MFHAS1: variants seen among roughly 807,000 people sequenced by gnomAD.
MFHAS1 encodes malignant fibrous histiocytoma-amplified sequence 1.
MFHAS1 carries 50 observed loss-of-function variants against 70.4 expected under a neutral mutation model. The observed-to-expected ratio is 0.71, with a 90% CI of 0.57 to 0.90. The LOEUF (loss-of-function observed/expected upper bound fraction) is 0.90. Ranked by LOEUF, MFHAS1 falls within the 40% of genes least tolerant of loss-of-function variation. The pLI is 0.00. For synonymous variants in MFHAS1, 952 were observed against 620.0 expected, an observed-to-expected ratio of 1.54 and a Z score of -7.96; for missense variants, 1,795 against 1,347.6, an observed-to-expected ratio of 1.33 and a Z score of -5.20.
intron 2 of MFHAS1, among the ~76,000 whole-genome samples, chr8:8,788,360 T>C (rs1040894166): frequency 1.3e-5 from 2 of 152,180 alleles, no homozygotes; most frequent in African/African-American, 4.8e-5. Flanking sequence ...TACTATGAGA[T>C]CATTACCAAA....
At chr8:8,865,512 A>T (rs1338412406) in intron 1 of MFHAS1, among the ~76,000 whole-genome samples, 1 of 152,146 alleles carries the variant, frequency 6.6e-6, no homozygotes, top group Non-Finnish European at 1.5e-5. Flanking sequence ...AAACACAACC[A>T]AGGACCCCTC....
chr8:8,882,763 G>A (rs1324202132), intron 1 of MFHAS1, among the ~76,000 whole-genome samples: 1 of 152,192 alleles, frequency 6.6e-6, no homozygotes, highest in Non-Finnish European at 1.5e-5. Flanking sequence ...GGCCAAACAG[G>A]GGTTCCTAAT....
rs781423982 is a variant in MFHAS1, at chr8:8,891,465, C to A, written c.1594G>T (p.Val532Leu). The stretch of plus-strand genomic sequence containing the variant: ...TCTGCGTGGGTGCCCACGATGCACA[C>A]CACCGCGTGGGGCACTCTCGCCCCG... Reference protein sequence around the residue: ...RVGARVPHAVVCIVGTHADLC... With the variant: ...RVGARVPHAVLCIVGTHADLC... Residue 532 changes from valine (V) to leucine (L), a missense_variant, in exon 1 of 3, where the codon GTG (valine) becomes TTG (leucine). Val to Leu is a conservative substitution (Grantham distance 32). Transcript: ENST00000276282. The surrounding 1 kb of genome is among the most constrained non-coding windows in gnomAD (Gnocchi z 5.4). The A allele has an allele frequency of 5.0e-6, 8 of 1,612,914 alleles. No individual in the cohort carries two copies. The African/African-American group carries it at 9.3e-5, about 19-fold the overall frequency.
intron 1 of MFHAS1, among the ~76,000 whole-genome samples, chr8:8,847,932 G>A (rs138168898): frequency 3.1e-4 from 47 of 152,316 alleles, no homozygotes; most frequent in African/African-American, 1.1e-3. Context: ...AATATTGAAA[G>A]AGGCAGTATA....
At chr8:8,853,664 T>C (rs1331444485) in intron 1 of MFHAS1, among the ~76,000 whole-genome samples, 1 of 152,120 alleles carries the variant, frequency 6.6e-6, no homozygotes, top group Non-Finnish European at 1.5e-5. Context: ...CCTCCAGGGT[T>C]CAAGCGATTC....
chr8:8,784,745 G>A lies in MFHAS1; in HGVS notation c.*1277C>T, dbSNP rs1371652493. ...CGATCAACCCACGGAGGAGGCAAAT[G>A]TAAACAGAGTTTTTTACACTCTCCG... On this transcript the variant is annotated 3_prime_UTR_variant, in exon 3 of 3. Transcript: ENST00000276282. 1.3e-5 allele frequency: 2 copies of A among 152,156 alleles called. No homozygotes were observed. Among genetic ancestry groups the A allele is most frequent in the South Asian group, 4.1e-4 (2 of 4,830 alleles). The allele number at this position is 152,156 out of a possible 1,614,324, so 9.4% of individuals were successfully genotyped here. A position where few individuals can be genotyped will look rare whatever the true frequency, so the allele number is the denominator to read the frequency against.
Position 8,891,634 on chromosome 8 carries a change from C to G in MFHAS1, c.1425G>C (p.Val475=). 6.2e-7 allele frequency: 1 copy of G among 1,613,652 alleles called. No individual in the cohort carries two copies. The highest frequency in any genetic ancestry group is 8.5e-7 in the Non-Finnish European group (1 of 1,180,036). The change falls in exon 1 of 3, where the codon GTG becomes GTC. Residue 475 remains valine, a synonymous_variant. Transcript: ENST00000276282. The surrounding 1 kb of genome is among the most constrained non-coding windows in gnomAD (Gnocchi z 5.4). ...AACTTTCATCCCCAGCTAAGTCATA[C>G]ACGATGAACCGCAGGCCCCGGGAGG... ...ADASRGLRFI[V]YDLAGDESYE...
At chr8:8,818,524 A>G (rs1364205404) in intron 1 of MFHAS1, among the ~76,000 whole-genome samples, 1 of 152,232 alleles carries the variant, frequency 6.6e-6, no homozygotes, top group Admixed American at 6.5e-5. Flanking sequence ...AACCCTGTGG[A>G]ACTGACTTAG....
At chr8:8,834,531 C>G (rs1486775090) in intron 1 of MFHAS1, among the ~76,000 whole-genome samples, 1 of 152,216 alleles carries the variant, frequency 6.6e-6, no homozygotes, top group Non-Finnish European at 1.5e-5. Flanking sequence ...ACAAGTACCA[C>G]TGTGTTATAA....
chr8:8,873,769 G>A (rs1809182027), intron 1 of MFHAS1, among the ~76,000 whole-genome samples: 1 of 152,150 alleles, frequency 6.6e-6, no homozygotes. Context: ...CAGAAAGGCA[G>A]ATGCAATGTT....
chr8:8,848,509 C>T (rs912986814), intron 1 of MFHAS1, among the ~76,000 whole-genome samples: 14 of 151,968 alleles, frequency 9.2e-5, no homozygotes, highest in Non-Finnish European at 1.3e-4. Flanking sequence ...AAAGGGCAAA[C>T]GGCTCAGGCA....
rs1305534238 is a variant in MFHAS1 at position 8,891,224 on chromosome 8, T to A, written c.1835A>T (p.Tyr612Phe). The A allele has an allele frequency of 6.2e-7, 1 of 1,612,546 alleles. No individual in the cohort carries two copies. The highest frequency in any genetic ancestry group is 8.5e-7 in the Non-Finnish European group (1 of 1,180,004). ...GATCTGCAGCCGGTGGTTGAGCAGG[T>A]ATTGAAAATGGGCCTTGCGCCGTCG... ...NLRRRKAHFQ[Y>F]LLNHRLQILS... The change falls in exon 1 of 3, where the codon TAC (tyrosine) becomes TTC (phenylalanine). Residue 612 changes from tyrosine (Y) to phenylalanine (F), a missense_variant. Physicochemically the swap from Tyr to Phe is conservative, Grantham distance 22. Coordinates refer to ENST00000276282, the MANE Select transcript of MFHAS1 (RefSeq NM_004225.3). This position sits in a 1 kb window ranked among gnomAD's most constrained non-coding sequence, Gnocchi z 5.4.
At chr8:8,834,420 C>T (rs1484425993) in intron 1 of MFHAS1, among the ~76,000 whole-genome samples, 1 of 152,208 alleles carries the variant, frequency 6.6e-6, no homozygotes, top group African/African-American at 2.4e-5. Flanking sequence ...ACTTCCAGTA[C>T]GCAGGCTCCA....
chr8:8,890,560 G>C lies in MFHAS1; in HGVS notation c.2499C>G (p.Leu833=), dbSNP rs1809958646. 6.2e-7 allele frequency: 1 copy of C among 1,613,414 alleles called. No individual in the cohort carries two copies. The highest frequency in any genetic ancestry group is 1.1e-5 in the South Asian group (1 of 91,088). The change falls in exon 1 of 3, where the codon CTC becomes CTG. Residue 833 remains leucine, a synonymous_variant. Transcript: ENST00000276282. The part of the protein sequence containing the change: ...LLEKMGLCYC[L]NKPKGKPLNG... ...TCAAAGGCTTGCCCTTGGGTTTATT[G>C]AGGCAGTAACAGAGTCCCATCTTCT...
At chr8:8,854,089 T>C (rs998320378) in intron 1 of MFHAS1, among the ~76,000 whole-genome samples, 2 of 152,176 alleles carry the variant, frequency 1.3e-5, no homozygotes, top group Non-Finnish European at 2.9e-5. Flanking sequence ...TGTATAAGGT[T>C]GCCCAATTTA....
chr8:8,795,556 G>C (rs1419647084), intron 2 of MFHAS1, among the ~76,000 whole-genome samples: 1 of 152,214 alleles, frequency 6.6e-6, no homozygotes, highest in Non-Finnish European at 1.5e-5. Context: ...TTTCCCTTGG[G>C]TGTTCGGTGA....
intron 1 of MFHAS1, among the ~76,000 whole-genome samples, chr8:8,860,902 T>C (rs900975434): frequency 6.6e-6 from 1 of 152,200 alleles, no homozygotes; most frequent in African/African-American, 2.4e-5. Context: ...TACATACGTA[T>C]ACAAACCCAC....
intron 1 of MFHAS1, among the ~76,000 whole-genome samples, chr8:8,830,210 G>T (rs1453984833): frequency 6.6e-6 from 1 of 152,140 alleles, no homozygotes; most frequent in African/African-American, 2.4e-5. Flanking sequence ...TTCGAGTTCT[G>T]TGTCAGGAAA....
chr8:8,872,757 C>T lies in MFHAS1; in HGVS notation c.2998+17304G>A, dbSNP rs557835063. On this transcript the variant is annotated intron_variant, in intron 1 of 2. Coordinates refer to ENST00000276282, the MANE Select transcript of MFHAS1 (RefSeq NM_004225.3). ...ACTAAATAGAAAATGAGTGGATATTCCCTATTCCAAGGGAAAAAATAAAAA... is the reference window on the plus strand; with the variant it reads ...ACTAAATAGAAAATGAGTGGATATTTCCTATTCCAAGGGAAAAAATAAAAA... Among the ~76,000 whole-genome samples the T allele has an allele frequency of 2.4e-3, 362 of 151,384 alleles. 3 individuals carry two copies. Among genetic ancestry groups the T allele is most frequent in the Non-Finnish European group, 3.9e-3 (264 of 67,982 alleles).
Sources: allele counts gnomAD v4.1 joint callset (sites outside exome capture counted in the v4.1 genomes callset), GRCh38; gene constraint gnomAD v4.1.1; non-coding constraint Gnocchi (gnomAD v3.1); transcripts MANE v1.5; gene names NCBI Gene and HGNC (gene_info 2026-07-23, HGNC 2026-07-21).